The following VPS50 variants were observed in gnomAD, a reference collection of about 807,000 sequenced individuals.
VPS50 encodes the protein VPS50 subunit of EARP/GARPII complex.
VPS50 carries 70 observed loss-of-function variants against 139.7 expected under a neutral mutation model. The observed-to-expected ratio is 0.50, with a 90% CI of 0.41 to 0.61. The LOEUF is 0.61. Among genes scored for constraint, VPS50 ranks in the 20% least tolerant of loss-of-function variants. The pLI, the probability that VPS50 is intolerant of heterozygous loss-of-function variation, is 0.00. For missense variants in VPS50, 921 were observed against 1,133.7 expected (o/e 0.81, Z 2.69); for synonymous variants, 365 against 376.7 (o/e 0.97, Z 0.36).
intron 2 of VPS50, among the ~76,000 whole-genome samples, chr7:93,249,163 A>G (rs556880233): frequency 1.2e-4 from 18 of 152,178 alleles, no homozygotes; most frequent in Non-Finnish European, 2.2e-4. Context: ...AGCATTTGAC[A>G]TACATATACA....
intron 2 of VPS50, among the ~76,000 whole-genome samples, chr7:93,243,989 G>A (rs73218078): frequency 6.6e-6 from 1 of 151,376 alleles, no homozygotes; most frequent in Non-Finnish European, 1.5e-5. Flanking sequence ...TGATAAGGGG[G>A]TTTTTTTGGC....
intron 18 of VPS50, among the ~76,000 whole-genome samples, chr7:93,308,383 A>C (rs189816596): frequency 6.6e-6 from 1 of 152,074 alleles, no homozygotes; most frequent in East Asian, 1.9e-4. Context: ...GAACATCAGC[A>C]TGTGTGTTGC....
At chr7:93,280,477 A>G (rs1796291169) in intron 12 of VPS50, among the ~76,000 whole-genome samples, 1 of 152,142 alleles carries the variant, frequency 6.6e-6, no homozygotes, top group Non-Finnish European at 1.5e-5. Flanking sequence ...TATTTACTTA[A>G]AAAATTAGGC....
chr7:93,271,369 T>C (rs1796004907), intron 10 of VPS50, 107 bp downstream of exon 10: 15 of 1,338,138 alleles, frequency 1.1e-5, no homozygotes, highest in African/African-American at 1.5e-5. Context: ...CCAATGTCTC[T>C]AGATCACTGT....
intron 21 of VPS50, among the ~76,000 whole-genome samples, chr7:93,333,605 T>C (rs1010750276): frequency 2.6e-5 from 4 of 152,212 alleles, no homozygotes; most frequent in African/African-American, 9.6e-5. Context: ...TTTGGCTTTG[T>C]TGTAGTGAAT....
At chr7:93,294,439 G>A (rs1796742833) in intron 13 of VPS50, 106 bp from the exon 14 acceptor site, 2 of 936,134 alleles carry the variant, frequency 2.1e-6, no homozygotes, top group Non-Finnish European at 3.1e-6. Context: ...CATATTTACT[G>A]TATCTTACAT....
rs768773422 is a variant in VPS50 at position 93,258,398 on chromosome 7, TTAACAAGTTTTG to T, written c.576+7_576+18del. 3 of 1,612,056 alleles carry T rather than the reference TTAACAAGTTTTG, an allele frequency of 1.9e-6. No homozygotes were observed. In the Admixed American group the frequency reaches 5.0e-5, roughly 27 times the overall value. ...GGTTAAGTGAAATGCTGGAGGTAAG[TTAACAAGTTTTG>T]GAAATTTAGGGTCCTACTGATATAT... On this transcript the variant is annotated splice_region_variant and intron_variant, in intron 8 of 27. Transcript: ENST00000305866.
chr7:93,341,533 C>G lies in VPS50; in HGVS notation c.2165C>G (p.Thr722Arg). The G allele has an allele frequency of 6.2e-7, 1 of 1,611,430 alleles. No homozygotes were observed. The highest frequency in any genetic ancestry group is 8.5e-7 in the Non-Finnish European group (1 of 1,178,082). ...SHLVVLTSGD[T>R]LYGLAERVVA... is the part of the protein sequence containing the mutation. ...CTAGTGGTTTTGACATCTGGGGATA[C>G]GCTGTATGGGTTGGCAGAAAGAGTG... Residue 722 changes from threonine to arginine, a missense_variant, in exon 23 of 28, where the codon ACG becomes AGG. Physicochemically the swap from Thr to Arg is moderately conservative, Grantham distance 71. Transcript: ENST00000305866.
At chr7:93,312,684 T>G (rs1207813892) in intron 20 of VPS50, among the ~76,000 whole-genome samples, 1 of 152,162 alleles carries the variant, frequency 6.6e-6, no homozygotes, top group Non-Finnish European at 1.5e-5. Context: ...TATTCTTCTA[T>G]TTCCTCTATC....
chr7:93,318,966 A>C (rs1266430779), intron 20 of VPS50, among the ~76,000 whole-genome samples: 4 of 152,168 alleles, frequency 2.6e-5, no homozygotes, highest in Non-Finnish European at 4.4e-5. Flanking sequence ...ATATATAGCA[A>C]AAGTAGAAAA....
At chr7:93,344,895 A>G (rs1798342376) in intron 23 of VPS50, among the ~76,000 whole-genome samples, 2 of 152,088 alleles carry the variant, frequency 1.3e-5, no homozygotes, top group Admixed American at 6.6e-5. Flanking sequence ...CAAAATTGAC[A>G]CCCTAACATC....
At chr7:93,354,744 A>G (rs1258026304) in intron 26 of VPS50, among the ~76,000 whole-genome samples, 1 of 152,148 alleles carries the variant, frequency 6.6e-6, no homozygotes, top group Non-Finnish European at 1.5e-5. Context: ...TTACTCAGAG[A>G]CCATGCTTAC....
At chr7:93,296,969 T>C in intron 15 of VPS50, 133 bp downstream of exon 15, 1 of 1,434,956 alleles carries the variant, frequency 7.0e-7, no homozygotes, top group Non-Finnish European at 9.1e-7. Context: ...TGTGAGTGTA[T>C]TTAAATATTT....
chr7:93,311,116 GT>G, intron 19 of VPS50, 49 bp from the exon 20 acceptor site: 1 of 834,338 alleles, frequency 1.2e-6, no homozygotes. Flanking sequence ...TAACTTATTG[GT>G]TTATTACTTG....
intron 12 of VPS50, among the ~76,000 whole-genome samples, chr7:93,287,581 T>G (rs568748803): frequency 6.6e-6 from 1 of 152,296 alleles, no homozygotes; most frequent in African/African-American, 2.4e-5. Context: ...AGTCATAATT[T>G]TTCTTTGGGA....
chr7:93,278,278 T>A (rs1043234249), intron 12 of VPS50, among the ~76,000 whole-genome samples: 1 of 152,128 alleles, frequency 6.6e-6, no homozygotes, highest in African/African-American at 2.4e-5. Context: ...TTTACCATTA[T>A]GTTTCTTCTG....
At chr7:93,258,058 G>A (rs1795543643) in intron 6 of VPS50, 101 bp from the exon 7 acceptor site, 1 of 621,574 alleles carries the variant, frequency 1.6e-6, no homozygotes, top group Non-Finnish European at 2.9e-6. Context: ...GGTTTTAATA[G>A]TAATCCATTT....
At chr7:93,335,869 G>T (rs17165268) in intron 22 of VPS50, among the ~76,000 whole-genome samples, 2,537 of 152,270 alleles carry the variant, frequency 0.017, 87 homozygotes, top group African/African-American at 0.058. Flanking sequence ...TCCAGTTCTA[G>T]ATTTGACCCT....
chr7:93,342,475 C>T (rs928797745), intron 23 of VPS50, among the ~76,000 whole-genome samples: 2 of 152,210 alleles, frequency 1.3e-5, no homozygotes, highest in African/African-American at 4.8e-5. Flanking sequence ...TGGAGCCCAC[C>T]ACAGCCCAAG....
Sources: gnomAD v4.1 joint callset for allele counts (sites outside exome capture counted in the v4.1 genomes callset) on GRCh38, gnomAD v4.1.1 for gene constraint, MANE v1.5 for transcripts, NCBI Gene and HGNC (gene_info 2026-07-23, HGNC 2026-07-21) for gene names.